Variants in PARD3B observed in about 807,000 individuals in gnomAD.
PARD3B encodes the protein partitioning defective 3 homolog B.
PARD3B carries 103 observed loss-of-function variants against 130.2 expected under a neutral mutation model. That is an observed-to-expected ratio of 0.79 (90% CI 0.67 to 0.93). The LOEUF (loss-of-function observed/expected upper bound fraction) is 0.93, where lower values mean the gene tolerates loss of function less well. Among genes scored for constraint, PARD3B ranks in the 40% least tolerant of loss-of-function variants. PARD3B has a pLI of 0.00. For missense variants in PARD3B, 1,609 were observed against 1,499.2 expected (o/e 1.07, Z -1.21); for synonymous variants, 583 against 553.2 (o/e 1.05, Z -0.76).
intron 3 of PARD3B, among the ~76,000 whole-genome samples, chr2:204,975,104 A>G (rs947414174): frequency 2.4e-4 from 36 of 152,110 alleles, no homozygotes; most frequent in African/African-American, 7.7e-4. Context: ...TGAAGATCTT[A>G]CCTCATAATA....
chr2:205,501,983 A>G (rs113855518), intron 21 of PARD3B, among the ~76,000 whole-genome samples: 3 of 152,218 alleles, frequency 2.0e-5, no homozygotes, highest in South Asian at 2.1e-4. Context: ...TTCCCAGACA[A>G]TCGGGGTCTG....
intron 2 of PARD3B, among the ~76,000 whole-genome samples, chr2:204,760,235 A>G (rs996848425): frequency 1.3e-5 from 2 of 152,126 alleles, no homozygotes; most frequent in Non-Finnish European, 2.9e-5. Flanking sequence ...GGAAGAATAC[A>G]TGAATTTTCA....
chr2:204,564,981 C>T (rs1044544615), intron 1 of PARD3B, among the ~76,000 whole-genome samples: 7 of 152,338 alleles, frequency 4.6e-5, no homozygotes, highest in Non-Finnish European at 1.0e-4. Context: ...TTCTTAGACT[C>T]ACCAGGCTGC....
chr2:204,865,472 A>G (rs1397833774), intron 2 of PARD3B, among the ~76,000 whole-genome samples: 1 of 152,230 alleles, frequency 6.6e-6, no homozygotes, highest in Non-Finnish European at 1.5e-5. Context: ...GAATGAAATA[A>G]TGGCATTCAC....
chr2:205,044,244 T>G (rs1448539511), intron 3 of PARD3B, among the ~76,000 whole-genome samples: 1 of 149,452 alleles, frequency 6.7e-6, no homozygotes, highest in Non-Finnish European at 1.5e-5. Flanking sequence ...TTTGCTATTG[T>G]GAATAATGCC....
intron 2 of PARD3B, among the ~76,000 whole-genome samples, chr2:204,821,352 A>G (rs192167411): frequency 0.014 from 2,100 of 152,262 alleles, 42 homozygotes; most frequent in African/African-American, 0.048. Flanking sequence ...AACATACACC[A>G]TGGAATACTA....
intron 2 of PARD3B, among the ~76,000 whole-genome samples, chr2:204,888,314 G>A (rs1296836508): frequency 3.3e-5 from 5 of 152,068 alleles, no homozygotes; most frequent in Admixed American, 6.6e-5. Flanking sequence ...AAGATATGCA[G>A]TAGACCAAGA....
In PARD3B at chr2:205,575,182, C is replaced by CAT. The variant is rs1303818751; in HGVS notation, c.3260+21787_3260+21788dup. Among the ~76,000 whole-genome samples the CAT allele has an allele frequency of 2.6e-5, 4 of 151,130 alleles. No homozygotes were observed. Among genetic ancestry groups the CAT allele is most frequent in the African/African-American group, 4.9e-5 (2 of 41,060 alleles). ...ATATATTATACACACACATATATAT[C>CAT]ATATATATACAATATAGATAGATAC... On this transcript the variant is annotated intron_variant, in intron 22 of 22. Coordinates refer to ENST00000406610, the MANE Select transcript of PARD3B (RefSeq NM_001302769.2). The surrounding 1 kb of genome is among the most constrained non-coding windows in gnomAD (Gnocchi z 4.6).
At chr2:205,204,500 T>C (rs971653164) in intron 15 of PARD3B, among the ~76,000 whole-genome samples, 6 of 152,180 alleles carry the variant, frequency 3.9e-5, no homozygotes, top group African/African-American at 1.2e-4. Context: ...TTGCTTTTGG[T>C]GTTTTAGACA....
At chr2:205,205,888 G>T (rs1241315056) in intron 15 of PARD3B, among the ~76,000 whole-genome samples, 1 of 152,132 alleles carries the variant, frequency 6.6e-6, no homozygotes. Context: ...GTTCTTCAGG[G>T]ATATTGGCCT....
intron 2 of PARD3B, among the ~76,000 whole-genome samples, chr2:204,815,667 C>T (rs2043119575): frequency 6.6e-6 from 1 of 151,894 alleles, no homozygotes; most frequent in Non-Finnish European, 1.5e-5. Flanking sequence ...TATTAGTTTC[C>T]TTCTAAGTGC....
chr2:205,403,166 T>G (rs1234743558), intron 19 of PARD3B, among the ~76,000 whole-genome samples: 1 of 152,224 alleles, frequency 6.6e-6, no homozygotes, highest in African/African-American at 2.4e-5. Flanking sequence ...TGTTTGAAAT[T>G]TGTTTCTTTG....
In PARD3B at chr2:205,197,023, TGGG is replaced by T. The variant is rs5837962; in HGVS notation, c.2140+3711_2140+3713del. Reference sequence around the variant, plus strand: ...AGATGAAACAGGAATGCTTCCACTGTGGGGGGGGGGTGTGTGTGTGTGTGTGTG... The same window carrying T: ...AGATGAAACAGGAATGCTTCCACTGTGGGGGGGTGTGTGTGTGTGTGTGTG... On this transcript the variant is annotated intron_variant, in intron 15 of 22. Coordinates refer to ENST00000406610, the MANE Select transcript of PARD3B (RefSeq NM_001302769.2). Among the ~76,000 whole-genome samples the T allele has an allele frequency of 2.3e-5, 3 of 130,768 alleles. No homozygotes were observed. In the South Asian group the frequency reaches 7.8e-4, roughly 34 times the overall value. The allele number at this position is 130,768 out of a possible 152,430, so 85.8% of individuals were successfully genotyped here.
intron 15 of PARD3B, among the ~76,000 whole-genome samples, chr2:205,199,489 A>G (rs773044811): frequency 2.4e-4 from 37 of 152,028 alleles, no homozygotes; most frequent in Non-Finnish European, 4.6e-4. Context: ...ACACACACAT[A>G]TATATACACA....
intron 2 of PARD3B, among the ~76,000 whole-genome samples, chr2:204,745,273 A>G (rs1017353029): frequency 6.6e-5 from 10 of 152,288 alleles, no homozygotes; most frequent in Admixed American, 4.6e-4. Context: ...CGGCTCTTCA[A>G]TCGGCCTCCC....
At chr2:204,946,436 A>G (rs182247946) in intron 2 of PARD3B, among the ~76,000 whole-genome samples, 1 of 148,022 alleles carries the variant, frequency 6.8e-6, no homozygotes, top group East Asian at 2.2e-4. Context: ...TTTTAAATAT[A>G]TGAAGTCTTC....
chr2:205,231,329 AT>A (rs770873231), intron 15 of PARD3B, among the ~76,000 whole-genome samples: 3,933 of 141,278 alleles, frequency 0.028, 112 homozygotes, highest in African/African-American at 0.08. Flanking sequence ...TAGATTAACT[AT>A]TTTTTTTTTT....
At chr2:205,360,277 T>A (rs1418782526) in intron 18 of PARD3B, among the ~76,000 whole-genome samples, 1 of 152,174 alleles carries the variant, frequency 6.6e-6, no homozygotes, top group Non-Finnish European at 1.5e-5. Context: ...TTTTTTCCTT[T>A]TCATTATCAA....
chr2:205,288,890 T>A lies in PARD3B; in HGVS notation c.2186-11640T>A, dbSNP rs2105864941. ...TCTGACTTCTGCAAGCCTAAAATAC[T>A]CCAGCCCTTAACTGTGCTCTATGTC... On this transcript the variant is annotated intron_variant, in intron 16 of 22. Coordinates refer to ENST00000406610, the MANE Select transcript of PARD3B (RefSeq NM_001302769.2). This position sits in a 1 kb window ranked among gnomAD's most constrained non-coding sequence, Gnocchi z 4.0. 6.6e-6 allele frequency among the ~76,000 whole-genome samples: 1 copy of A among 152,344 alleles called. No individual in the cohort carries two copies. The highest frequency in any genetic ancestry group is 1.9e-4 in the East Asian group (1 of 5,190).
Sources: allele counts gnomAD v4.1 joint callset (sites outside exome capture counted in the v4.1 genomes callset), GRCh38; gene constraint gnomAD v4.1.1; non-coding constraint Gnocchi (gnomAD v3.1); transcripts MANE v1.5; gene names NCBI Gene and HGNC (gene_info 2026-07-23, HGNC 2026-07-21).